The following SF3B3 variants were observed in gnomAD, a reference collection of about 807,000 sequenced individuals.
SF3B3 encodes the protein SAP 130.
A neutral mutation model predicts 139.2 loss-of-function variants in SF3B3; 33 were observed. The observed-to-expected ratio is 0.24, with a 90% CI of 0.18 to 0.32. The LOEUF is 0.32. SF3B3 is among the 10% of genes least tolerant of loss of function. The pLI, the probability that SF3B3 is intolerant of heterozygous loss-of-function variation, is 1.00. For synonymous variants in SF3B3, 596 were observed against 563.6 expected (o/e 1.06, Z -0.81); for missense variants, 818 against 1,509.4 (o/e 0.54, Z 7.59).
intron 17 of SF3B3, 83 bp downstream of exon 17, chr16:70,561,867 G>A: frequency 8.0e-7 from 1 of 1,244,060 alleles, no homozygotes. Context: ...GTTGGAGGAG[G>A]CTGTGAAGAG....
rs1376747729 is a variant in SF3B3, at chr16:70,539,096, C to T, written c.964-8C>T. The T allele has an allele frequency of 6.2e-7, 1 of 1,600,362 alleles. No individual in the cohort carries two copies. The highest frequency in any genetic ancestry group is 8.6e-7 in the Non-Finnish European group (1 of 1,167,452). On this transcript the variant is annotated splice_region_variant and splice_polypyrimidine_tract_variant and intron_variant, in intron 7 of 25. Coordinates refer to ENST00000302516, the MANE Select transcript of SF3B3 (RefSeq NM_012426.5). ...GTTTGTACACCAGAATGTTTCTTTT[C>T]TCACCAGGTTACTGAGATCCGGCTC...
chr16:70,565,020 T>C, intron 18 of SF3B3, 45 bp from the exon 19 acceptor site: 1 of 1,590,816 alleles, frequency 6.3e-7, no homozygotes, highest in South Asian at 1.1e-5. Context: ...AGCCAGCCCC[T>C]ACCTCTGAGC....
intron 1 of SF3B3, among the ~76,000 whole-genome samples, chr16:70,526,332 C>T (rs1349926658): frequency 3.3e-5 from 5 of 151,908 alleles, no homozygotes; most frequent in South Asian, 2.1e-4. Context: ...CTCAGCCTCC[C>T]GAGTAGCTGG....
rs187977908 is a variant in SF3B3, at chr16:70,536,168, T to G, written c.825+748T>G. Among the ~76,000 whole-genome samples, 14 of 150,768 alleles carry G rather than the reference T, an allele frequency of 9.3e-5. No homozygotes were observed. In the South Asian group the frequency reaches 1.5e-3, roughly 16 times the overall value. ...TAGTTCAGGATATTTCCCTCTCACC[T>G]TTTTTTCTTTTTTTTTTGAGATGGA... On this transcript the variant is annotated intron_variant, in intron 6 of 25. Coordinates refer to ENST00000302516, the MANE Select transcript of SF3B3 (RefSeq NM_012426.5).
Position 70,571,882 on chromosome 16 carries a change from C to T in SF3B3, c.*69C>T, listed in dbSNP as rs2050532738. The T allele has an allele frequency of 7.9e-6, 12 of 1,523,942 alleles. No homozygotes were observed. 94.4% of individuals were successfully genotyped at this position (1,523,942 alleles called of 1,614,324 possible). A position where few individuals can be genotyped will look rare whatever the true frequency, so the allele number is the denominator to read the frequency against. ...TTTCCCCCACCACCATCACTGCCAC[C>T]TGGCTTCTGCCATGTGGCAGGAGGG... On this transcript the variant is annotated 3_prime_UTR_variant, in exon 26 of 26. Coordinates refer to ENST00000302516, the MANE Select transcript of SF3B3 (RefSeq NM_012426.5).
rs1597727466 is a variant in SF3B3, at chr16:70,575,159, T to A, written c.*3346T>A. 1 of 152,184 alleles carries A rather than the reference T, an allele frequency of 6.6e-6. No homozygotes were observed. The highest frequency in any genetic ancestry group is 1.5e-5 in the Non-Finnish European group (1 of 68,214). 9.4% of individuals were successfully genotyped at this position (152,184 alleles called of 1,614,324 possible). A position where few individuals can be genotyped will look rare whatever the true frequency, so the allele number is the denominator to read the frequency against. On this transcript the variant is annotated 3_prime_UTR_variant, in exon 26 of 26. Transcript: ENST00000302516. Reference sequence around the variant, plus strand: ...AGTCTGAACCAGCACAACCAAGAGTTGTTTCTCTTTTTTTTCTTTTTCTTT... The same window carrying A: ...AGTCTGAACCAGCACAACCAAGAGTAGTTTCTCTTTTTTTTCTTTTTCTTT...
intron 11 of SF3B3, among the ~76,000 whole-genome samples, chr16:70,553,289 A>G (rs539395626): frequency 6.6e-6 from 1 of 151,972 alleles, no homozygotes; most frequent in Non-Finnish European, 1.5e-5. Context: ...TGATCTAGTA[A>G]CCTTAATCTA....
chr16:70,568,544 G>A (rs2050498879), intron 22 of SF3B3, 49 bp downstream of exon 22: 5 of 1,481,750 alleles, frequency 3.4e-6, no homozygotes, highest in South Asian at 1.2e-5. Context: ...AGGAAAGCTG[G>A]CTCAGTTTCT....
At chr16:70,568,139 C>T in intron 21 of SF3B3, 144 bp from the exon 22 acceptor site, 2 of 669,110 alleles carry the variant, frequency 3.0e-6, no homozygotes, top group South Asian at 1.8e-5. Flanking sequence ...CTCTTTTTTC[C>T]CACCTAGAAT....
At chr16:70,563,133 T>C (rs1328472378) in intron 17 of SF3B3, among the ~76,000 whole-genome samples, 3 of 47,082 alleles carry the variant, frequency 6.4e-5, no homozygotes, top group Non-Finnish European at 1.3e-4. Flanking sequence ...ATACATGGCT[T>C]TTTTTTTGGT....
chr16:70,552,359 A>G (rs1351138399), intron 11 of SF3B3, among the ~76,000 whole-genome samples: 3 of 152,242 alleles, frequency 2.0e-5, no homozygotes, highest in Admixed American at 2.0e-4. Flanking sequence ...TTTTTACACA[A>G]CAAAAATTTC....
intron 20 of SF3B3, among the ~76,000 whole-genome samples, chr16:70,566,291 G>A (rs2050475658): frequency 2.7e-5 from 4 of 150,002 alleles, no homozygotes; most frequent in Admixed American, 2.7e-4. Flanking sequence ...GGCTGGGCAT[G>A]GTGTCTCACG....
At chr16:70,535,283 T>C in intron 5 of SF3B3, 25 bp from the exon 6 acceptor site, 1 of 1,272,530 alleles carries the variant, frequency 7.9e-7, no homozygotes, top group Non-Finnish European at 1.1e-6. Context: ...TCAAAGTCAC[T>C]GCTAAGTTTT....
At chr16:70,528,748 G>A (rs1236739176) in intron 2 of SF3B3, 125 bp from the exon 3 acceptor site, 1 of 650,754 alleles carries the variant, frequency 1.5e-6, no homozygotes, top group Non-Finnish European at 2.6e-6. Context: ...CTCCCGAGTA[G>A]CTGGGATTAC....
At chr16:70,547,039 A>AG (rs920020517) in intron 10 of SF3B3, among the ~76,000 whole-genome samples, 1 of 151,372 alleles carries the variant, frequency 6.6e-6, no homozygotes, top group South Asian at 2.1e-4. Flanking sequence ...AAAAAAAAAA[A>AG]TTTTTTTTTA....
chr16:70,569,815 C>T lies in SF3B3; in HGVS notation c.3265-191C>T, dbSNP rs146021269. On this transcript the variant is annotated intron_variant, in intron 23 of 25. Coordinates refer to ENST00000302516, the MANE Select transcript of SF3B3 (RefSeq NM_012426.5). ...GGCAGATTTTGTGGGTATGGGTATA[C>T]GAGACCTCACTGTGTTGCCCAGGCT... is the stretch of plus-strand genomic sequence containing the variant. 2.7e-5 allele frequency: 16 copies of T among 584,374 alleles called. No individual in the cohort carries two copies. In the East Asian group the frequency reaches 4.0e-4, roughly 15 times the overall value. 36.2% of individuals were successfully genotyped at this position (584,374 alleles called of 1,614,324 possible).
chr16:70,561,594 A>G lies in SF3B3; in HGVS notation c.2134-36A>G. The G allele has an allele frequency of 1.3e-6, 2 of 1,599,626 alleles. 1 individual carries two copies. The highest frequency in any genetic ancestry group is 2.3e-5 in the South Asian group (2 of 88,878). On this transcript the variant is annotated intron_variant, in intron 16 of 25. Transcript: ENST00000302516. The stretch of plus-strand genomic sequence containing the variant: ...TATACCATATTTGTATTTTTTCCCA[A>G]ACCTTATTGGAGCTGGGTTTTTTTT...
At chr16:70,543,351 G>C (rs868290270) in intron 9 of SF3B3, among the ~76,000 whole-genome samples, 19 of 151,152 alleles carry the variant, frequency 1.3e-4, no homozygotes, top group Non-Finnish European at 8.8e-5. Flanking sequence ...CAGAGGTTGC[G>C]GTGAGCTGAG....
Position 70,538,376 on chromosome 16 carries a change from T to C in SF3B3, c.879T>C (p.His293=), listed in dbSNP as rs1324239044. The stretch of plus-strand genomic sequence containing the variant: ...TGATTTTTGTCTGCTCTGCAACCCA[T>C]AAAACCAAATCGATGTTCTTCTTTT... ...RGMIFVCSAT[H]KTKSMFFFLA... is the part of the protein sequence containing the mutation. The change falls in exon 7 of 26, where the codon CAT becomes CAC. Residue 293 remains histidine, a synonymous_variant. Transcript: ENST00000302516. 6.8e-6 allele frequency: 11 copies of C among 1,614,006 alleles called. No homozygotes were observed. Among genetic ancestry groups the C allele is most frequent in the Non-Finnish European group, 8.5e-7 (1 of 1,179,834 alleles).
Sources: gnomAD v4.1 joint callset for allele counts (sites outside exome capture counted in the v4.1 genomes callset) on GRCh38, gnomAD v4.1.1 for gene constraint, MANE v1.5 for transcripts, NCBI Gene and HGNC (gene_info 2026-07-23, HGNC 2026-07-21) for gene names.